Variants in ZNF273 observed in about 807,000 individuals in gnomAD.
ZNF273 encodes zinc finger protein 9.
A neutral mutation model predicts 14.9 loss-of-function variants in ZNF273; 11 were observed. The observed-to-expected ratio is 0.74, with a 90% confidence interval of 0.46 to 1.22. The LOEUF is 1.22. Ranked by LOEUF, ZNF273 falls within the 50% of genes most tolerant of loss-of-function variation. The pLI is 0.00. For missense variants in ZNF273, 577 were observed against 660.6 expected, an observed-to-expected ratio of 0.87 and a Z score of 1.39; for synonymous variants, 199 against 223.9, an observed-to-expected ratio of 0.89 and a Z score of 0.99.
intron 3 of ZNF273, 23 bp from the exon 4 acceptor site, chr7:64,927,631 A>G (rs1794825074): frequency 1.3e-6 from 2 of 1,530,916 alleles, no homozygotes; most frequent in Admixed American, 4.4e-5. Context: ...AAGTGGGGTA[A>G]TTGTTACTTT....
At chr7:64,906,304 G>T (rs1793106122) in intron 1 of ZNF273, among the ~76,000 whole-genome samples, 1 of 151,992 alleles carries the variant, frequency 6.6e-6, no homozygotes, top group Non-Finnish European at 1.5e-5. Context: ...GTAAAACTTG[G>T]TACCTCCCAG....
At chr7:64,918,433 C>A (rs990598688) in intron 3 of ZNF273, 141 bp downstream of exon 3, 15 of 701,282 alleles carry the variant, frequency 2.1e-5, no homozygotes, top group Middle Eastern at 2.9e-4. Flanking sequence ...GAGGCCGAGG[C>A]GGGCGGATCA....
chr7:64,883,074 T>G (rs1791335897), downstream of ZNF273, among the ~76,000 whole-genome samples: 2 of 152,276 alleles, frequency 1.3e-5, no homozygotes, highest in Admixed American at 6.5e-5. Context: ...TTCTTTTTTT[T>G]CCGAGTGGCC....
exon 2 of ZNF273, chr7:64,888,798 T>C: frequency 1.0e-6 from 1 of 985,796 alleles, no homozygotes; most frequent in Non-Finnish European, 1.2e-6. Context: ...TGCCGGGAAG[T>C]GCACTGTGGA....
chr7:64,902,283 G>T (rs1210734879), upstream of ZNF273, among the ~76,000 whole-genome samples: 1 of 151,296 alleles, frequency 6.6e-6, no homozygotes, highest in East Asian at 1.9e-4. Context: ...AATTAACTCC[G>T]TTTTAAAATC....
At chr7:64,896,142 C>T (rs566387738) in intron 3 of ZNF273, among the ~76,000 whole-genome samples, 1 of 152,150 alleles carries the variant, frequency 6.6e-6, no homozygotes, top group Admixed American at 6.5e-5. Flanking sequence ...CACTGAAAGG[C>T]ACTATCCAGT....
chr7:64,928,586 C>T lies in ZNF273; in HGVS notation c.1258C>T (p.His420Tyr), dbSNP rs1395608241. ...AFKRSTTLTK[H>Y]KRIYTKEKPY... ...TAAACGGTCCACAACTCTTACTAAA[C>T]ATAAGAGAATTTATACTAAAGAGAA... Residue 420 changes from histidine to tyrosine, a missense_variant, in exon 4 of 4, where the codon CAT (histidine) becomes TAT (tyrosine). This residue lies in a region of ZNF273 where 411 missense variants were observed against 440.4 expected (regional missense o/e 0.93). Transcript: ENST00000476120. 1.2e-6 allele frequency: 2 copies of T among 1,613,474 alleles called. No individual in the cohort carries two copies. The highest frequency in any genetic ancestry group is 1.7e-6 in the Non-Finnish European group (2 of 1,179,812).
chr7:64,885,576 C>T (rs1404928333), intron 1 of ZNF273, among the ~76,000 whole-genome samples: 1 of 152,230 alleles, frequency 6.6e-6, no homozygotes, highest in Non-Finnish European at 1.5e-5. Flanking sequence ...TTCGCACCTA[C>T]ACCTCCAGAC....
chr7:64,912,335 A>G (rs1294238884), intron 1 of ZNF273, among the ~76,000 whole-genome samples: 1 of 151,332 alleles, frequency 6.6e-6, no homozygotes, highest in African/African-American at 2.4e-5. Flanking sequence ...TTTAGGTCCT[A>G]ATATCTTTGT....
intron 3 of ZNF273, among the ~76,000 whole-genome samples, chr7:64,922,649 A>G (rs1344287480): frequency 1.3e-5 from 2 of 151,742 alleles, no homozygotes; most frequent in Non-Finnish European, 2.9e-5. Context: ...GAGCTTTGCC[A>G]TGTTACCCAG....
chr7:64,901,563 C>A (rs10264026), upstream of ZNF273, among the ~76,000 whole-genome samples: 62,151 of 152,046 alleles, frequency 0.41, 12,934 homozygotes, highest in South Asian at 0.45. Flanking sequence ...GTAGTCAGGT[C>A]GTGATCTCTT....
downstream of ZNF273, among the ~76,000 whole-genome samples, chr7:64,892,386 A>G (rs1012188026): frequency 2.0e-5 from 3 of 152,222 alleles, no homozygotes; most frequent in Non-Finnish European, 4.4e-5. Flanking sequence ...GCTCAGTAAT[A>G]TCAGCTATTC....
At chr7:64,907,504 T>C (rs1793201402) in intron 1 of ZNF273, among the ~76,000 whole-genome samples, 1 of 152,168 alleles carries the variant, frequency 6.6e-6, no homozygotes, top group South Asian at 2.1e-4. Context: ...AGGGAGGTTA[T>C]GGGAGTCCCA....
downstream of ZNF273, among the ~76,000 whole-genome samples, chr7:64,883,762 C>T (rs548112142): frequency 2.0e-5 from 3 of 152,298 alleles, no homozygotes; most frequent in Admixed American, 6.5e-5. Flanking sequence ...TCCTGCACCC[C>T]GGCCTCCTCT....
chr7:64,885,491 G>A (rs546845522), intron 1 of ZNF273, among the ~76,000 whole-genome samples: 215 of 152,362 alleles, frequency 1.4e-3, no homozygotes, highest in Admixed American at 3.6e-3. Flanking sequence ...TCACGTTGGT[G>A]ATATGAGGTC....
intron 3 of ZNF273, among the ~76,000 whole-genome samples, chr7:64,922,321 T>C (rs1794525348): frequency 6.6e-6 from 1 of 151,678 alleles, no homozygotes; most frequent in Non-Finnish European, 1.5e-5. Flanking sequence ...TCTTTGTTTT[T>C]GTTTTTTTGT....
At chr7:64,910,231 A>G (rs1026464716) in intron 1 of ZNF273, among the ~76,000 whole-genome samples, 4 of 151,964 alleles carry the variant, frequency 2.6e-5, no homozygotes, top group Non-Finnish European at 5.9e-5. Flanking sequence ...TGGTATCCTC[A>G]ACATGAAATA....
At chr7:64,897,868 A>C (rs1422319009) in exon 4 of ZNF273, 1 of 148,776 alleles carries the variant, frequency 6.7e-6, no homozygotes, top group Non-Finnish European at 1.5e-5. Context: ...CTGGGACTAC[A>C]GGCGCCTGCC....
At chr7:64,897,783 T>C (rs1830079) in exon 4 of ZNF273, 135,737 of 148,174 alleles carry the variant, frequency 0.92, 62,468 homozygotes, top group South Asian at 0.97. Context: ...GCACGGTCTC[T>C]GCTCACTGCA....
Sources: allele counts gnomAD v4.1 joint callset (sites outside exome capture counted in the v4.1 genomes callset), GRCh38; gene constraint gnomAD v4.1.1; regional missense constraint gnomAD v4.1.1; transcripts MANE v1.5; gene names NCBI Gene and HGNC (gene_info 2026-07-23, HGNC 2026-07-21).